AGBL4: variants seen among roughly 807,000 people sequenced by gnomAD.
AGBL4 encodes AGBL carboxypeptidase 4, also known as cytosolic carboxypeptidase 6.
In AGBL4, 58 loss-of-function variants were observed where a neutral mutation model predicts 66.4. That is an observed-to-expected ratio of 0.87 (90% CI 0.71 to 1.09). The LOEUF is 1.09. AGBL4 is among the 50% of genes least tolerant of loss of function. The pLI is 0.00. For missense variants in AGBL4, 579 were observed against 631.0 expected (o/e 0.92, Z 0.88); for synonymous variants, 234 against 222.9 (o/e 1.05, Z -0.44).
chr1:48,779,704 CTTTTTTT>C (rs200375125), intron 6 of AGBL4, among the ~76,000 whole-genome samples: 7 of 137,180 alleles, frequency 5.1e-5, no homozygotes, highest in African/African-American at 1.1e-4. Context: ...CTGTTCCTCT[CTTTTTTT>C]TTTTTTTTTT....
At chr1:49,611,044 T>C (rs962848551) in intron 3 of AGBL4, among the ~76,000 whole-genome samples, 2 of 152,134 alleles carry the variant, frequency 1.3e-5, no homozygotes, top group Non-Finnish European at 2.9e-5. Context: ...CCAATGGAGG[T>C]TGAGGCTCAC....
chr1:49,150,183 A>C (rs1646300206), intron 4 of AGBL4, among the ~76,000 whole-genome samples: 1 of 152,190 alleles, frequency 6.6e-6, no homozygotes, highest in Non-Finnish European at 1.5e-5. Context: ...CTAGTGACTT[A>C]ACTATGGAAT....
intron 6 of AGBL4, among the ~76,000 whole-genome samples, chr1:48,749,545 C>T (rs1279462902): frequency 2.0e-5 from 3 of 152,226 alleles, no homozygotes; most frequent in Non-Finnish European, 4.4e-5. Flanking sequence ...CTTTCCACTA[C>T]CCTACCCCTC....
chr1:49,607,917 T>G (rs1645088228), intron 3 of AGBL4, among the ~76,000 whole-genome samples: 1 of 152,054 alleles, frequency 6.6e-6, no homozygotes, highest in Non-Finnish European at 1.5e-5. Flanking sequence ...TCCAGAACAG[T>G]GTTTAAGGGA....
chr1:49,337,105 A>T (rs1645452633), intron 3 of AGBL4, among the ~76,000 whole-genome samples: 1 of 152,174 alleles, frequency 6.6e-6, no homozygotes, highest in South Asian at 2.1e-4. Context: ...TCATCTGCAA[A>T]ATGGGAACTT....
In AGBL4 at chr1:49,253,672, G is replaced by A. The variant is rs180882728; in HGVS notation, c.283-7808C>T. On this transcript the variant is annotated intron_variant, in intron 3 of 13. Transcript: ENST00000371839. Reference sequence around the variant, plus strand: ...AAGAATCCTCCCTAACTCATTCTATGAGGCTGGCATCATCCCTATACCAAA... The same window carrying A: ...AAGAATCCTCCCTAACTCATTCTATAAGGCTGGCATCATCCCTATACCAAA... Among the ~76,000 whole-genome samples, 12 of 151,396 alleles carry A rather than the reference G, an allele frequency of 7.9e-5. No individual in the cohort carries two copies. In the South Asian group the frequency reaches 1.9e-3, roughly 24 times the overall value.
chr1:49,041,874 CCAT>C (rs1643950963), intron 5 of AGBL4, among the ~76,000 whole-genome samples: 1 of 152,120 alleles, frequency 6.6e-6, no homozygotes, highest in Non-Finnish European at 1.5e-5. Flanking sequence ...CCAACTACCA[CCAT>C]CAGGCAATGG....
chr1:49,777,168 C>T (rs1644218965), intron 2 of AGBL4, among the ~76,000 whole-genome samples: 1 of 152,080 alleles, frequency 6.6e-6, no homozygotes, highest in African/African-American at 2.4e-5. Context: ...TCCCAAGTAT[C>T]ACAAAATCAG....
At chr1:49,756,291 T>C (rs1484572923) in intron 2 of AGBL4, among the ~76,000 whole-genome samples, 1 of 151,146 alleles carries the variant, frequency 6.6e-6, no homozygotes. Flanking sequence ...GAACCAAAAG[T>C]TAAAAGAGAA....
At chr1:49,835,706 G>A (rs1343794983) in intron 2 of AGBL4, among the ~76,000 whole-genome samples, 1 of 152,166 alleles carries the variant, frequency 6.6e-6, no homozygotes, top group Non-Finnish European at 1.5e-5. Context: ...GCAGTGGCTG[G>A]TACCAGTTTT....
chr1:49,560,020 C>A (rs924023570), intron 3 of AGBL4, among the ~76,000 whole-genome samples: 6 of 152,062 alleles, frequency 3.9e-5, no homozygotes, highest in Non-Finnish European at 2.9e-5. Flanking sequence ...ATATAAACAA[C>A]CCTAAACAGT....
At position 48,761,499 on chromosome 1, in the gene AGBL4, C is replaced by G. The variant is rs1161177063; in HGVS notation, c.635-98258G>C. The G allele has an allele frequency of 1.9e-6, 3 of 1,543,120 alleles. No individual in the cohort carries two copies. In the South Asian group the frequency reaches 3.6e-5, roughly 19 times the overall value. Reference sequence around the variant, plus strand: ...AAATGCATATCAAGAGAACAAGGTTCATCATGAGTTAAAATGAGTCATTAT... The same window carrying G: ...AAATGCATATCAAGAGAACAAGGTTGATCATGAGTTAAAATGAGTCATTAT... On this transcript the variant is annotated intron_variant, in intron 6 of 13. Coordinates refer to ENST00000371839, the MANE Select transcript of AGBL4 (RefSeq NM_032785.4).
intron 2 of AGBL4, among the ~76,000 whole-genome samples, chr1:49,798,503 T>G (rs1644783209): frequency 6.6e-6 from 1 of 152,148 alleles, no homozygotes; most frequent in Non-Finnish European, 1.5e-5. Flanking sequence ...AGCTTATGAG[T>G]TTTTAAAGAT....
At chr1:48,855,842 G>C (rs1474651466) in intron 6 of AGBL4, among the ~76,000 whole-genome samples, 1 of 151,962 alleles carries the variant, frequency 6.6e-6, no homozygotes, top group Non-Finnish European at 1.5e-5. Context: ...CATAGATCTG[G>C]TAATTCCATC....
intron 1 of AGBL4, among the ~76,000 whole-genome samples, chr1:49,948,096 A>ATGTG (rs539337897): frequency 2.3e-5 from 2 of 87,830 alleles, no homozygotes; most frequent in Non-Finnish European, 3.9e-5. Flanking sequence ...ATATATGTAT[A>ATGTG]TGTATATATA....
At chr1:48,758,900 C>G in intron 6 of AGBL4, 1 of 1,511,042 alleles carries the variant, frequency 6.6e-7, no homozygotes, top group East Asian at 2.3e-5. Context: ...GGGCACTCAC[C>G]GCTGCCAAGC....
At chr1:49,920,971 T>G (rs759474891) in intron 1 of AGBL4, among the ~76,000 whole-genome samples, 5 of 152,184 alleles carry the variant, frequency 3.3e-5, no homozygotes, top group African/African-American at 4.8e-5. Context: ...ACTATCATTC[T>G]CAGCAAACTA....
intron 6 of AGBL4, among the ~76,000 whole-genome samples, chr1:48,844,487 A>G (rs1418812979): frequency 2.6e-5 from 4 of 152,234 alleles, no homozygotes; most frequent in African/African-American, 9.6e-5. Flanking sequence ...CGCATGCACT[A>G]ACTGAGCTCT....
chr1:48,970,505 C>A (rs1658815312), intron 5 of AGBL4, among the ~76,000 whole-genome samples: 1 of 152,138 alleles, frequency 6.6e-6, no homozygotes, highest in African/African-American at 2.4e-5. Flanking sequence ...TCCCTAACTC[C>A]ATTTTCATTA....
Sources: allele counts gnomAD v4.1 joint callset (sites outside exome capture counted in the v4.1 genomes callset), GRCh38; gene constraint gnomAD v4.1.1; transcripts MANE v1.5; gene names NCBI Gene and HGNC (gene_info 2026-07-23, HGNC 2026-07-21).